Variants in SMURF1 observed in about 807,000 individuals in gnomAD.
SMURF1 encodes the protein SMAD specific E3 ubiquitin protein ligase 1.
Under a neutral mutation model 98.0 loss-of-function variants are expected in SMURF1, and 44 were observed. That is an observed-to-expected ratio of 0.45 (90% CI 0.35 to 0.58). SMURF1 has a LOEUF of 0.58. Among genes scored for constraint, SMURF1 ranks in the 20% least tolerant of loss-of-function variants. The pLI, the probability that SMURF1 is intolerant of heterozygous loss-of-function variation, is 0.00. For missense variants in SMURF1, 687 were observed against 938.4 expected (o/e 0.73, Z 3.50); for synonymous variants, 396 against 374.9 (o/e 1.06, Z -0.65).
At chr7:99,033,794 C>T (rs1184116872) in intron 16 of SMURF1, among the ~76,000 whole-genome samples, 2 of 152,232 alleles carry the variant, frequency 1.3e-5, no homozygotes, top group South Asian at 2.1e-4. Flanking sequence ...CACCAGGCCC[C>T]TTCTTGCTCA....
At chr7:99,095,359 C>T (rs1208014989) in intron 1 of SMURF1, among the ~76,000 whole-genome samples, 1 of 152,130 alleles carries the variant, frequency 6.6e-6, no homozygotes, top group Non-Finnish European at 1.5e-5. Context: ...GGATTACAGG[C>T]GTGAGCCACC....
At chr7:99,093,966 G>A (rs974490429) in intron 1 of SMURF1, among the ~76,000 whole-genome samples, 1 of 152,244 alleles carries the variant, frequency 6.6e-6, no homozygotes, top group East Asian at 1.9e-4. Flanking sequence ...GTCATTAATA[G>A]CTCAGTTGAA....
intron 1 of SMURF1, among the ~76,000 whole-genome samples, chr7:99,085,386 AG>A (rs1236669900): frequency 6.6e-6 from 1 of 151,764 alleles, no homozygotes; most frequent in Non-Finnish European, 1.5e-5. Context: ...AGAAAAGAAA[AG>A]AAAAAGAAAG....
chr7:99,056,677 G>A (rs1350698110), intron 5 of SMURF1, among the ~76,000 whole-genome samples: 1 of 152,052 alleles, frequency 6.6e-6, no homozygotes, highest in Non-Finnish European at 1.5e-5. Context: ...AAATCTTTCT[G>A]TACCCGAGTC....
At chr7:99,120,921 A>C (rs1357963297) in intron 1 of SMURF1, among the ~76,000 whole-genome samples, 1 of 151,712 alleles carries the variant, frequency 6.6e-6, no homozygotes, top group African/African-American at 2.4e-5. Context: ...CAACATCTTA[A>C]TTCTTGATAA....
rs771846539 is a variant in SMURF1, at chr7:99,052,427, C to T, written c.499G>A (p.Gly167Arg). The stretch of plus-strand genomic sequence containing the variant: ...AAGCAGCTGAGCGGCCTCCCAGGCC[C>T]GGAGTCTTCATACACCGTTCTGAAA... ...ENEGTVYEDS[G>R]PGRPLSCFME... The change falls in exon 7 of 18, where the codon GGG (glycine) becomes AGG (arginine). Residue 167 changes from glycine to arginine, a missense_variant. This residue lies in a region of SMURF1 where 415 missense variants were observed against 508.4 expected (regional missense o/e 0.82). Coordinates refer to ENST00000361368, the MANE Select transcript of SMURF1 (RefSeq NM_181349.3). 28 of 1,584,560 alleles carry T rather than the reference C, an allele frequency of 1.8e-5. No homozygotes were observed. Among genetic ancestry groups the T allele is most frequent in the Non-Finnish European group, 1.6e-5 (19 of 1,163,670 alleles).
Position 99,030,647 on chromosome 7 carries a change from A to T in SMURF1, c.2133T>A (p.Tyr711Ter). Residue 711 changes from tyrosine to a stop codon, truncating the protein, a stop_gained, in exon 18 of 18, where the codon TAT (tyrosine) becomes TAA (stop). Coordinates refer to ENST00000361368, the MANE Select transcript of SMURF1 (RefSeq NM_181349.3). LOFTEE classifies it high-confidence loss of function. ...TCAGCAGCTTCTCGTAGAGCTTCTCATAGGACTCATATGGTGGAATGTCGA... is the reference window on the plus strand; with the variant it reads ...TCAGCAGCTTCTCGTAGAGCTTCTCTTAGGACTCATATGGTGGAATGTCGA... ...NRIDIPPYES[Y>*]EKLYEKLLTA... The T allele has an allele frequency of 6.2e-7, 1 of 1,614,134 alleles. No individual in the cohort carries two copies. Among genetic ancestry groups the T allele is most frequent in the Non-Finnish European group, 8.5e-7 (1 of 1,179,980 alleles).
intron 7 of SMURF1, 112 bp from the exon 8 acceptor site, chr7:99,051,553 C>G (rs1256647358): frequency 2.2e-5 from 18 of 810,284 alleles, no homozygotes; most frequent in Non-Finnish European, 3.8e-5. Flanking sequence ...TAACACTCCC[C>G]TCTTATCCCA....
intron 13 of SMURF1, 125 bp from the exon 14 acceptor site, chr7:99,038,650 C>T (rs1795249132): frequency 8.9e-7 from 1 of 1,125,514 alleles, no homozygotes; most frequent in Admixed American, 2.5e-5. Context: ...CGGGCAGACA[C>T]AGAACCTGCG....
intron 3 of SMURF1, among the ~76,000 whole-genome samples, chr7:99,057,907 T>C (rs1795922953): frequency 6.6e-6 from 1 of 151,982 alleles, no homozygotes; most frequent in Admixed American, 6.5e-5. Flanking sequence ...TTTAATTGTA[T>C]TTCTGAATTA....
Position 99,054,885 on chromosome 7 carries a change from C to T in SMURF1, c.404-20G>A. On this transcript the variant is annotated intron_variant, in intron 5 of 17. Transcript: ENST00000361368. Reference sequence around the variant, plus strand: ...AACTGACTAAAAGAGAAAAGAACGACTTGTGTTAAAACCCAGCGGGGTTTA... The same window carrying T: ...AACTGACTAAAAGAGAAAAGAACGATTTGTGTTAAAACCCAGCGGGGTTTA... The T allele has an allele frequency of 6.2e-7, 1 of 1,612,912 alleles. No homozygotes were observed. The highest frequency in any genetic ancestry group is 8.5e-7 in the Non-Finnish European group (1 of 1,179,006).
chr7:99,044,107 T>G (rs529600324), intron 11 of SMURF1, among the ~76,000 whole-genome samples: 1 of 152,240 alleles, frequency 6.6e-6, no homozygotes, highest in Non-Finnish European at 1.5e-5. Context: ...AGGTCAGTAG[T>G]TCAACACCCA....
At chr7:99,127,554 A>C (rs1247978479) in intron 1 of SMURF1, among the ~76,000 whole-genome samples, 1 of 152,206 alleles carries the variant, frequency 6.6e-6, no homozygotes, top group Non-Finnish European at 1.5e-5. Flanking sequence ...AAATTAAAAA[A>C]AAGAACAGCT....
chr7:99,053,955 G>C (rs1343782620), intron 6 of SMURF1, among the ~76,000 whole-genome samples: 1 of 152,000 alleles, frequency 6.6e-6, no homozygotes, highest in African/African-American at 2.4e-5. Context: ...CTTTGAGCCA[G>C]GGTCTTGCTG....
intron 1 of SMURF1, among the ~76,000 whole-genome samples, chr7:99,082,480 C>T (rs538772135): frequency 6.6e-6 from 1 of 152,292 alleles, no homozygotes; most frequent in African/African-American, 2.4e-5. Flanking sequence ...ATTATTTCCC[C>T]TGTCAAATTA....
intron 1 of SMURF1, among the ~76,000 whole-genome samples, chr7:99,118,090 T>C (rs1273104146): frequency 1.3e-5 from 2 of 152,154 alleles, no homozygotes; most frequent in African/African-American, 4.8e-5. Flanking sequence ...TACTACTTCC[T>C]ACCCTTTAGG....
At chr7:99,141,114 G>T (rs1026333987) in intron 1 of SMURF1, among the ~76,000 whole-genome samples, 1 of 152,172 alleles carries the variant, frequency 6.6e-6, no homozygotes, top group Non-Finnish European at 1.5e-5. Flanking sequence ...AAGGGAAAAG[G>T]TGTTTCAGAA....
At chr7:99,040,659 A>G (rs1326021977) in intron 12 of SMURF1, 103 bp from the exon 13 acceptor site, 3 of 1,093,766 alleles carry the variant, frequency 2.7e-6, no homozygotes, top group African/African-American at 1.6e-5. Context: ...CCCAGAGGCA[A>G]CCAGACCTAC....
At chr7:99,084,420 A>G (rs1165082752) in intron 1 of SMURF1, among the ~76,000 whole-genome samples, 1 of 152,196 alleles carries the variant, frequency 6.6e-6, no homozygotes, top group East Asian at 1.9e-4. Flanking sequence ...AAACCTAACA[A>G]GTTCTTGGAT....
Sources: gnomAD v4.1 joint callset for allele counts (sites outside exome capture counted in the v4.1 genomes callset) on GRCh38, gnomAD v4.1.1 for gene constraint, gnomAD v4.1.1 regional missense constraint, MANE v1.5 for transcripts, NCBI Gene and HGNC (gene_info 2026-07-23, HGNC 2026-07-21) for gene names.